The following PALLD variants were observed in gnomAD, a reference collection of about 807,000 sequenced individuals.
PALLD encodes the protein palladin.
A neutral mutation model predicts 123.5 loss-of-function variants in PALLD; 61 were observed. The observed-to-expected ratio is 0.49, with a 90% CI of 0.40 to 0.61. The LOEUF is 0.61. PALLD is among the 20% of genes least tolerant of loss of function. The pLI, the probability that PALLD is intolerant of heterozygous loss-of-function variation, is 0.00. For missense variants in PALLD, 1,273 were observed against 1,377.0 expected, an observed-to-expected ratio of 0.92 and a Z score of 1.20; for synonymous variants, 465 against 496.4, an observed-to-expected ratio of 0.94 and a Z score of 0.84.
chr4:168,646,864 T>G (rs530287418), intron 2 of PALLD, among the ~76,000 whole-genome samples: 1 of 152,234 alleles, frequency 6.6e-6, no homozygotes, highest in Non-Finnish European at 1.5e-5. Context: ...TTTATACTTT[T>G]CTGGTAACAA....
intron 10 of PALLD, among the ~76,000 whole-genome samples, chr4:168,827,990 G>A (rs1014775019): frequency 6.6e-6 from 1 of 152,144 alleles, no homozygotes; most frequent in African/African-American, 2.4e-5. Context: ...GCAGTGAGCC[G>A]AGATCACGCC....
rs1476099718 is a variant in PALLD at position 168,878,019 on chromosome 4, C to G, written c.1965-12903C>G. The G allele has an allele frequency of 4.0e-6, 6 of 1,495,872 alleles. No homozygotes were observed. The highest frequency in any genetic ancestry group is 4.4e-6 in the Non-Finnish European group (5 of 1,128,754). 92.7% of individuals were successfully genotyped at this position (1,495,872 alleles called of 1,614,324 possible). A position where few individuals can be genotyped will look rare whatever the true frequency, so the allele number is the denominator to read the frequency against. On this transcript the variant is annotated intron_variant, in intron 10 of 21. Coordinates refer to ENST00000505667, the MANE Select transcript of PALLD (RefSeq NM_001166108.2). The stretch of plus-strand genomic sequence containing the variant: ...GCGTCGGGCCACGGCACGCCGGCCT[C>G]CAGCCCCAGCTCGTCCAGCCTCCCG...
At chr4:168,784,247 T>G (rs1187214674) in intron 10 of PALLD, among the ~76,000 whole-genome samples, 1 of 151,640 alleles carries the variant, frequency 6.6e-6, no homozygotes, top group East Asian at 1.9e-4. Context: ...GCAGGAGGAT[T>G]GCTTGAGCCC....
At chr4:168,877,833 C>T (rs1261645361) in intron 10 of PALLD, 2 of 1,313,596 alleles carry the variant, frequency 1.5e-6, no homozygotes, top group Non-Finnish European at 1.9e-6. Context: ...CCCCCCTTCC[C>T]GCCGCCGCCC....
chr4:168,797,685 A>G (rs1738705460), intron 10 of PALLD, among the ~76,000 whole-genome samples: 1 of 152,170 alleles, frequency 6.6e-6, no homozygotes, highest in Non-Finnish European at 1.5e-5. Flanking sequence ...AAACTATTCC[A>G]TATGTTACCT....
intron 10 of PALLD, among the ~76,000 whole-genome samples, chr4:168,762,562 T>C (rs1733096080): frequency 1.3e-5 from 2 of 152,212 alleles, no homozygotes; most frequent in African/African-American, 4.8e-5. Context: ...TAGGAATGCT[T>C]TTACACTGTT....
chr4:168,592,256 C>A (rs779587123), intron 2 of PALLD, among the ~76,000 whole-genome samples: 1 of 151,924 alleles, frequency 6.6e-6, no homozygotes, highest in Non-Finnish European at 1.5e-5. Flanking sequence ...GAACTCCAGA[C>A]CTCATGATCC....
chr4:168,858,147 G>A (rs1385265922), intron 10 of PALLD, among the ~76,000 whole-genome samples: 1 of 152,180 alleles, frequency 6.6e-6, no homozygotes, highest in Non-Finnish European at 1.5e-5. Flanking sequence ...TTTCATGGAG[G>A]GGGGCCAGGT....
intron 2 of PALLD, among the ~76,000 whole-genome samples, chr4:168,626,244 C>A (rs1329708174): frequency 6.6e-6 from 1 of 151,536 alleles, no homozygotes; most frequent in Non-Finnish European, 1.5e-5. Flanking sequence ...ACTAAAAATA[C>A]AAAAGAAATT....
At position 168,760,025 on chromosome 4, in the gene PALLD, G is replaced by A. The variant is rs909088950; in HGVS notation, c.1964+48102G>A. ...GCTGAGATGGCACCACTGCACTCCA[G>A]CCTGGGCGACAGAGACTGTCTCAAA... On this transcript the variant is annotated intron_variant, in intron 10 of 21. Transcript: ENST00000505667. Among the ~76,000 whole-genome samples, 6 of 151,348 alleles carry A rather than the reference G, an allele frequency of 4.0e-5. No individual in the cohort carries two copies. The East Asian group carries it at 1.2e-3, about 29-fold the overall frequency.
intron 10 of PALLD, among the ~76,000 whole-genome samples, chr4:168,823,467 C>T (rs1164335926): frequency 6.6e-6 from 1 of 152,030 alleles, no homozygotes; most frequent in Non-Finnish European, 1.5e-5. Context: ...ATCACTTGAG[C>T]TCAAGAGTTT....
intron 2 of PALLD, among the ~76,000 whole-genome samples, chr4:168,534,541 T>C (rs950263598): frequency 3.9e-5 from 6 of 152,346 alleles, no homozygotes; most frequent in African/African-American, 1.4e-4. Flanking sequence ...TTTTCTAATA[T>C]GCATTATGAT....
chr4:168,704,681 AAAAAAT>A (rs1299597209), intron 8 of PALLD, among the ~76,000 whole-genome samples: 164 of 150,780 alleles, frequency 1.1e-3, no homozygotes, highest in African/African-American at 3.9e-3. Context: ...AAAAAAAAAA[AAAAAAT>A]GTGTATGTTG....
At chr4:168,742,222 C>T (rs996550239) in intron 10 of PALLD, among the ~76,000 whole-genome samples, 1 of 152,192 alleles carries the variant, frequency 6.6e-6, no homozygotes, top group Admixed American at 6.5e-5. Flanking sequence ...GTCCATCTCT[C>T]CGTCCTTCTT....
chr4:168,611,414 C>T (rs981851553), intron 2 of PALLD, among the ~76,000 whole-genome samples: 2 of 152,200 alleles, frequency 1.3e-5, no homozygotes, highest in East Asian at 1.9e-4. Context: ...CACATCCTGC[C>T]GGGGGCCAGC....
chr4:168,661,085 A>G (rs1196624712), intron 2 of PALLD, among the ~76,000 whole-genome samples: 1 of 151,850 alleles, frequency 6.6e-6, no homozygotes, highest in Non-Finnish European at 1.5e-5. Flanking sequence ...TTGTATTTTT[A>G]GTAGAGACGG....
intron 15 of PALLD, among the ~76,000 whole-genome samples, chr4:168,909,023 G>A (rs1269264078): frequency 6.6e-6 from 1 of 152,194 alleles, no homozygotes; most frequent in East Asian, 1.9e-4. Flanking sequence ...CACTCGATGT[G>A]TGTAGCTCAA....
chr4:168,683,763 T>A (rs1029691619), intron 5 of PALLD, among the ~76,000 whole-genome samples: 7 of 152,090 alleles, frequency 4.6e-5, no homozygotes, highest in Middle Eastern at 3.2e-3. Context: ...CACAGAAAGG[T>A]TTTCCCCCAC....
At chr4:168,744,045 G>A (rs1370165513) in intron 10 of PALLD, among the ~76,000 whole-genome samples, 4 of 152,124 alleles carry the variant, frequency 2.6e-5, no homozygotes, top group African/African-American at 9.7e-5. Flanking sequence ...TGGAAAAGGG[G>A]TCGGGGGAGA....
Sources: allele counts gnomAD v4.1 joint callset (sites outside exome capture counted in the v4.1 genomes callset), GRCh38; gene constraint gnomAD v4.1.1; transcripts MANE v1.5; gene names NCBI Gene and HGNC (gene_info 2026-07-23, HGNC 2026-07-21).